Variants in CLSTN3 observed in about 807,000 individuals in gnomAD.
CLSTN3 encodes calsyntenin-3.
In CLSTN3, 36 loss-of-function variants were observed where a neutral mutation model predicts 95.9. That is an observed-to-expected ratio of 0.38 (90% CI 0.29 to 0.50). The LOEUF is 0.50. CLSTN3 is among the 20% of genes least tolerant of loss of function. CLSTN3 has a pLI of 0.95. For synonymous variants in CLSTN3, 481 were observed against 504.0 expected, an observed-to-expected ratio of 0.95 and a Z score of 0.61; for missense variants, 1,084 against 1,268.8, an observed-to-expected ratio of 0.85 and a Z score of 2.21.
At position 7,150,728 on chromosome 12, in the gene CLSTN3, C is replaced by G; in HGVS notation, c.2391+39C>G. 2 of 1,602,368 alleles carry G rather than the reference C, an allele frequency of 1.2e-6. No homozygotes were observed. Among genetic ancestry groups the G allele is most frequent in the Non-Finnish European group, 1.7e-6 (2 of 1,170,470 alleles). On this transcript the variant is annotated intron_variant, in intron 15 of 17. Coordinates refer to ENST00000266546, the MANE Select transcript of CLSTN3 (RefSeq NM_014718.4). The surrounding 1 kb of genome is among the most constrained non-coding windows in gnomAD (Gnocchi z 4.0). ...CTCCTTCCTTCCACAGTTACCCACC[C>G]CCAGAAAGGAGCTGAGGTGGCATGG...
Position 7,133,604 on chromosome 12 carries a change from T to C in CLSTN3, c.219T>C (p.Ser73=). ...TCTGCGGCTTCCGGCTCCATGGGTCTGGGGTGCCCTTTGAGGCTGTGATCC... is the reference window on the plus strand; with the variant it reads ...TCTGCGGCTTCCGGCTCCATGGGTCCGGGGTGCCCTTTGAGGCTGTGATCC... ...GEICGFRLHG[S]GVPFEAVILD... Residue 73 remains serine (S), a synonymous_variant, in exon 3 of 18, where the codon TCT becomes TCC. Transcript: ENST00000266546. The surrounding 1 kb of genome is among the most constrained non-coding windows in gnomAD (Gnocchi z 4.7). 1 of 1,614,080 alleles carries C rather than the reference T, an allele frequency of 6.2e-7. No homozygotes were observed. Among genetic ancestry groups the C allele is most frequent in the Non-Finnish European group, 8.5e-7 (1 of 1,180,008 alleles).
chr12:7,157,743 C>G lies in CLSTN3; in HGVS notation c.2730+52C>G, dbSNP rs1442529124. ...TGTAGGGTCAAGACTGTGGAGCACA[C>G]ACGGTGAGGACTCCTGAGGAGGGGC... On this transcript the variant is annotated intron_variant, in intron 17 of 17. Coordinates refer to ENST00000266546, the MANE Select transcript of CLSTN3 (RefSeq NM_014718.4). The surrounding 1 kb of genome is among the most constrained non-coding windows in gnomAD (Gnocchi z 5.9). 1 of 1,533,900 alleles carries G rather than the reference C, an allele frequency of 6.5e-7. No individual in the cohort carries two copies. The highest frequency in any genetic ancestry group is 8.8e-7 in the Non-Finnish European group (1 of 1,134,724).
At chr12:7,135,686 T>G in intron 4 of CLSTN3, 118 bp from the exon 5 acceptor site, 1 of 1,415,772 alleles carries the variant, frequency 7.1e-7, no homozygotes, top group South Asian at 1.3e-5. Flanking sequence ...CAGATGCCTT[T>G]TTTCCCAGCG....
Position 7,143,169 on chromosome 12 carries a change from G to C in CLSTN3, c.1705G>C (p.Val569Leu). ...ESLGKGMKVH[V>L]NPSQSLLTLE... The stretch of plus-strand genomic sequence containing the variant: ...ATCTGTGTCTGGGGCCCAGGTCCAC[G>C]TGAACCCCTCACAGTCCCTGCTCAC... The change falls in exon 12 of 18, where the codon GTG becomes CTG. Residue 569 changes from valine to leucine, a missense_variant. Coordinates refer to ENST00000266546, the MANE Select transcript of CLSTN3 (RefSeq NM_014718.4). The C allele has an allele frequency of 6.2e-7, 1 of 1,613,226 alleles. No homozygotes were observed. Among genetic ancestry groups the C allele is most frequent in the Non-Finnish European group, 8.5e-7 (1 of 1,179,540 alleles).
In CLSTN3 at chr12:7,136,284, A is replaced by G. The variant is rs768782294; in HGVS notation, c.821A>G (p.Asp274Gly). The change falls in exon 6 of 18, where the codon GAT (aspartate) becomes GGT (glycine). Residue 274 changes from aspartate (D) to glycine (G), a missense_variant. Physicochemically the swap from Asp to Gly is moderately conservative, Grantham distance 94. Coordinates refer to ENST00000266546, the MANE Select transcript of CLSTN3 (RefSeq NM_014718.4). ...CCTGGTATCCGCCTGGAGACCTGTG[A>G]TGAACCACTCTGGAACATTCAGGCC... ...LFPGIRLETC[D>G]EPLWNIQATI... The G allele has an allele frequency of 1.9e-6, 3 of 1,614,206 alleles. No homozygotes were observed. Among genetic ancestry groups the G allele is most frequent in the South Asian group, 2.2e-5 (2 of 91,080 alleles).
rs1177802290 is a variant in CLSTN3 at position 7,133,175 on chromosome 12, G to T, written c.187+29G>T. ...ATTGGGATTGGGGGATGGCAAGGCA[G>T]GGTAGGACAGAGAAAAGTGGGTGGG... On this transcript the variant is annotated intron_variant, in intron 2 of 17. Transcript: ENST00000266546. The surrounding 1 kb of genome is among the most constrained non-coding windows in gnomAD (Gnocchi z 4.7). 6.2e-7 allele frequency: 1 copy of T among 1,612,486 alleles called. No individual in the cohort carries two copies. The highest frequency in any genetic ancestry group is 1.7e-5 in the Admixed American group (1 of 59,976).
In CLSTN3 at chr12:7,136,998, C is replaced by T. The variant is rs762499119; in HGVS notation, c.1098C>T (p.Pro366=). The T allele has an allele frequency of 2.5e-6, 4 of 1,614,066 alleles. No homozygotes were observed. Among genetic ancestry groups the T allele is most frequent in the Non-Finnish European group, 3.4e-6 (4 of 1,180,040 alleles). ...LGGPSGLGSG[P]QDSLSDHFTL... is the part of the protein sequence containing the mutation. ...GCCCCAGTGGGCTGGGCTCTGGGCCCCAGGACAGCCTCAGTGACCACTTCA... is the reference window on the plus strand; with the variant it reads ...GCCCCAGTGGGCTGGGCTCTGGGCCTCAGGACAGCCTCAGTGACCACTTCA... Residue 366 remains proline, a synonymous_variant, in exon 7 of 18, where the codon CCC becomes CCT. Coordinates refer to ENST00000266546, the MANE Select transcript of CLSTN3 (RefSeq NM_014718.4).
Position 7,133,900 on chromosome 12 carries a change from C to G in CLSTN3, c.383+132C>G, listed in dbSNP as rs1939355797. ...CTGCTGTTCCTAGGACTTAGGGAGC[C>G]CCATCCCCTGCTGTTCCTAGGATTT... On this transcript the variant is annotated intron_variant, in intron 3 of 17. Transcript: ENST00000266546. The surrounding 1 kb of genome is among the most constrained non-coding windows in gnomAD (Gnocchi z 4.7). 7.0e-6 allele frequency: 5 copies of G among 714,430 alleles called. No homozygotes were observed. The highest frequency in any genetic ancestry group is 1.1e-5 in the Non-Finnish European group (5 of 443,034). The allele number at this position is 714,430 out of a possible 1,614,324, so 44.3% of individuals were successfully genotyped here.
At chr12:7,142,717 C>CTT in intron 10 of CLSTN3, 152 bp from the exon 11 acceptor site, 2 of 623,814 alleles carry the variant, frequency 3.2e-6, no homozygotes, top group Non-Finnish European at 2.6e-6. Flanking sequence ...TCTCTTTTTT[C>CTT]CTTTTTTTTT....
rs1285384042 is a variant in CLSTN3 at position 7,138,205 on chromosome 12, A to C, written c.1323+138A>C. The C allele has an allele frequency of 6.9e-6, 4 of 578,780 alleles. No individual in the cohort carries two copies. The East Asian group carries it at 1.2e-4, about 18-fold the overall frequency. The allele number at this position is 578,780 out of a possible 1,614,324, so 35.9% of individuals were successfully genotyped here. On this transcript the variant is annotated intron_variant, in intron 8 of 17. Transcript: ENST00000266546. ...GCTTCTTCACTTTCAGCCCCTGACC[A>C]TTCTACTCCCAGGTCCTCTTGTTCC...
In CLSTN3 at chr12:7,157,498, G is replaced by A. The variant is rs780332473; in HGVS notation, c.2537G>A (p.Ser846Asn). 6.3e-7 allele frequency: 1 copy of A among 1,580,154 alleles called. No homozygotes were observed. The highest frequency in any genetic ancestry group is 1.8e-5 in the Admixed American group (1 of 56,338). Residue 846 changes from serine to asparagine, a missense_variant, in exon 17 of 18, where the codon AGC becomes AAC. By Grantham distance (46) the Ser-to-Asn change is conservative. Coordinates refer to ENST00000266546, the MANE Select transcript of CLSTN3 (RefSeq NM_014718.4). The surrounding 1 kb of genome is among the most constrained non-coding windows in gnomAD (Gnocchi z 5.9). ...CGCGCTCTCTCTGCAGTGATACCCA[G>A]CGCCGCAACCCTCATCATTGTGGTG... ...ASSHRNSMIP[S>N]AATLIIVVCV...
chr12:7,153,448 C>G (rs1939759891), intron 16 of CLSTN3, among the ~76,000 whole-genome samples: 2 of 152,280 alleles, frequency 1.3e-5, no homozygotes, highest in East Asian at 3.9e-4. Flanking sequence ...CTTGGACTTG[C>G]AGACGCCTTT....
chr12:7,135,241 G>T, intron 3 of CLSTN3, 86 bp from the exon 4 acceptor site: 2 of 1,284,908 alleles, frequency 1.6e-6, no homozygotes, highest in Non-Finnish European at 1.1e-6. Context: ...CTGTACCTCG[G>T]TGTGCTGTAT....
chr12:7,148,972 G>A lies in CLSTN3; in HGVS notation c.1848G>A (p.Lys616=). The stretch of plus-strand genomic sequence containing the variant: ...CTGCTTCTCCTGCTTTCTTACATAG[G>A]TGCTTCAGCGAAGAGTCCTGCGTCT... The part of the protein sequence containing the change: ...VRPLRLTTAV[K]CFSEESCVSI... The change falls in exon 13 of 18, where the codon AAG becomes AAA. Residue 616 remains lysine, a splice_region_variant and synonymous_variant. Transcript: ENST00000266546. 2 of 1,613,702 alleles carry A rather than the reference G, an allele frequency of 1.2e-6. No homozygotes were observed. Among genetic ancestry groups the A allele is most frequent in the Non-Finnish European group, 1.7e-6 (2 of 1,179,630 alleles).
Position 7,157,937 on chromosome 12 carries a change from C to G in CLSTN3, c.2731-4C>G, listed in dbSNP as rs1340870455. ...CCCTTCTCCTCTCTGTTCCTGCCCT[C>G]CAGTCCTACCAGAATCGGCAGTCCT... On this transcript the variant is annotated splice_region_variant and splice_polypyrimidine_tract_variant and intron_variant, in intron 17 of 17. Coordinates refer to ENST00000266546, the MANE Select transcript of CLSTN3 (RefSeq NM_014718.4). The surrounding 1 kb of genome is among the most constrained non-coding windows in gnomAD (Gnocchi z 5.9). The G allele has an allele frequency of 6.4e-7, 1 of 1,550,768 alleles. No homozygotes were observed. The highest frequency in any genetic ancestry group is 1.2e-5 in the South Asian group (1 of 84,058).
chr12:7,155,412 C>T (rs754898413), intron 16 of CLSTN3, among the ~76,000 whole-genome samples: 18 of 152,252 alleles, frequency 1.2e-4, no homozygotes, highest in South Asian at 6.2e-4. Flanking sequence ...GCCAGGAGCT[C>T]GGAGGGACAC....
intron 16 of CLSTN3, among the ~76,000 whole-genome samples, chr12:7,152,086 A>C (rs200771963): frequency 6.6e-6 from 1 of 151,766 alleles, no homozygotes; most frequent in Non-Finnish European, 1.5e-5. Flanking sequence ...AGAAAGAAGA[A>C]GACGAGGAAA....
chr12:7,154,768 A>G (rs1203382175), intron 16 of CLSTN3, among the ~76,000 whole-genome samples: 2 of 152,232 alleles, frequency 1.3e-5, no homozygotes, highest in African/African-American at 4.8e-5. Context: ...GAAGCTTTGC[A>G]GAAAGAGTTA....
Position 7,149,329 on chromosome 12 carries a change from C to T in CLSTN3, c.2074+131C>T. 1 of 960,010 alleles carries T rather than the reference C, an allele frequency of 1.0e-6. No individual in the cohort carries two copies. The highest frequency in any genetic ancestry group is 1.6e-6 in the Non-Finnish European group (1 of 637,072). The allele number at this position is 960,010 out of a possible 1,614,324, so 59.5% of individuals were successfully genotyped here. A position where few individuals can be genotyped will look rare whatever the true frequency, so the allele number is the denominator to read the frequency against. ...GTGTTTGTTTGACTGAACAACTTAC[C>T]TTTAAGAAGGAGAGCAAGTGGAAAA... On this transcript the variant is annotated intron_variant, in intron 13 of 17. Coordinates refer to ENST00000266546, the MANE Select transcript of CLSTN3 (RefSeq NM_014718.4). The surrounding 1 kb of genome is among the most constrained non-coding windows in gnomAD (Gnocchi z 4.5).
Sources: gnomAD v4.1 joint callset for allele counts (sites outside exome capture counted in the v4.1 genomes callset) on GRCh38, gnomAD v4.1.1 for gene constraint, Gnocchi (gnomAD v3.1) non-coding constraint, MANE v1.5 for transcripts, NCBI Gene and HGNC (gene_info 2026-07-23, HGNC 2026-07-21) for gene names.